Variants in RFC4 observed in about 807,000 individuals in gnomAD.
RFC4 encodes replication factor C subunit 4, also known as A1 37 kDa subunit.
A neutral mutation model predicts 47.6 loss-of-function variants in RFC4; 38 were observed. The ratio of observed to expected loss-of-function variants is 0.80; its 90% CI spans 0.62 to 1.05. The LOEUF is 1.05. Among genes scored for constraint, RFC4 ranks in the 50% least tolerant of loss-of-function variants. The probability of loss-of-function intolerance (pLI) is 0.00; values close to 1 mark genes in which losing one functional copy is unlikely to be tolerated. For synonymous variants in RFC4, 164 were observed against 150.0 expected, an observed-to-expected ratio of 1.09 and a Z score of -0.68; for missense variants, 489 against 434.0, an observed-to-expected ratio of 1.13 and a Z score of -1.13.
Position 186,799,268 on chromosome 3 carries a change from A to T in RFC4, c.211-1654T>A, listed in dbSNP as rs1197459223. 2.6e-5 allele frequency among the ~76,000 whole-genome samples: 4 copies of T among 152,222 alleles called. 1 individual carries two copies. Among genetic ancestry groups the T allele is most frequent in the Admixed American group, 2.6e-4 (4 of 15,286 alleles). Reference sequence around the variant, plus strand: ...AGTTCTTAAAATCAATTTCTGAAAAAATTATCTTCTTATAATTCTTTAAAA... The same window carrying T: ...AGTTCTTAAAATCAATTTCTGAAAATATTATCTTCTTATAATTCTTTAAAA... On this transcript the variant is annotated intron_variant, in intron 3 of 10. Coordinates refer to ENST00000296273, the MANE Select transcript of RFC4 (RefSeq NM_002916.5).
intron 2 of RFC4, among the ~76,000 whole-genome samples, chr3:186,803,602 C>G (rs1348355675): frequency 3.3e-5 from 5 of 151,244 alleles, no homozygotes; most frequent in East Asian, 2.1e-4. Context: ...CTCCCAGGTT[C>G]AAGTGATTCT....
At chr3:186,803,433 T>C (rs1376466147) in intron 2 of RFC4, among the ~76,000 whole-genome samples, 3 of 152,132 alleles carry the variant, frequency 2.0e-5, no homozygotes, top group Non-Finnish European at 4.4e-5. Context: ...TCTGTAAACA[T>C]TGGTAATTAC....
At position 186,793,081 on chromosome 3, in the gene RFC4, A is replaced by C. The variant is rs149605337; in HGVS notation, c.411-134T>G. 8 of 759,510 alleles carry C rather than the reference A, an allele frequency of 1.1e-5. No individual in the cohort carries two copies. The highest frequency in any genetic ancestry group is 1.6e-5 in the Non-Finnish European group (8 of 491,366). The allele number at this position is 759,510 out of a possible 1,614,324, so 47.0% of individuals were successfully genotyped here. A position where few individuals can be genotyped will look rare whatever the true frequency, so the allele number is the denominator to read the frequency against. ...TCAGTGTTTTTCTGTATGTTCACAAAGTTGTGCAACCATTACCACAATCTA... is the reference window on the plus strand; with the variant it reads ...TCAGTGTTTTTCTGTATGTTCACAACGTTGTGCAACCATTACCACAATCTA... On this transcript the variant is annotated intron_variant, in intron 5 of 10. Transcript: ENST00000296273. This position sits in a 1 kb window ranked among gnomAD's most constrained non-coding sequence, Gnocchi z 4.2.
chr3:186,794,517 A>T, intron 5 of RFC4, 141 bp downstream of exon 5: 1 of 792,992 alleles, frequency 1.3e-6, no homozygotes, highest in Non-Finnish European at 2.0e-6. Context: ...TGTTTACCTC[A>T]GGCAGGATAG....
chr3:186,801,332 C>T (rs573449375), intron 2 of RFC4, 137 bp from the exon 3 acceptor site: 39 of 665,010 alleles, frequency 5.9e-5, no homozygotes, highest in Admixed American at 1.9e-4. Context: ...TTTTCATAAT[C>T]GGAAATAGGT....
chr3:186,806,411 C>G lies in RFC4; in HGVS notation c.-133G>C, dbSNP rs1391591370. 1 of 152,236 alleles carries G rather than the reference C, an allele frequency of 6.6e-6. No individual in the cohort carries two copies. The highest frequency in any genetic ancestry group is 6.5e-5 in the Admixed American group (1 of 15,286). 9.4% of individuals were successfully genotyped at this position (152,236 alleles called of 1,614,324 possible). A position where few individuals can be genotyped will look rare whatever the true frequency, so the allele number is the denominator to read the frequency against. The stretch of plus-strand genomic sequence containing the variant: ...CGTCACCTAATCTGAGAATAACGGG[C>G]CCAGGAGACTTACGATCACTGATGT... On this transcript the variant is annotated 5_prime_UTR_variant, in exon 1 of 11. Coordinates refer to ENST00000296273, the MANE Select transcript of RFC4 (RefSeq NM_002916.5).
At chr3:186,792,712 T>G (rs1722168061) in intron 6 of RFC4, 92 bp downstream of exon 6, 1 of 1,551,208 alleles carries the variant, frequency 6.4e-7, no homozygotes. Flanking sequence ...GAGGAAAAAT[T>G]AATGTAGCCT....
intron 3 of RFC4, among the ~76,000 whole-genome samples, chr3:186,800,658 G>A (rs1027359366): frequency 1.3e-5 from 2 of 152,058 alleles, no homozygotes; most frequent in African/African-American, 2.4e-5. Context: ...TTCAAAGCTC[G>A]ATTTTTTTTT....
At chr3:186,794,092 A>G (rs1314536235) in intron 5 of RFC4, among the ~76,000 whole-genome samples, 3 of 152,194 alleles carry the variant, frequency 2.0e-5, no homozygotes, top group Admixed American at 6.5e-5. Context: ...TGTTCTAGAT[A>G]TAAGTACCTT....
chr3:186,802,458 A>G (rs1722378705), intron 2 of RFC4, among the ~76,000 whole-genome samples: 1 of 152,248 alleles, frequency 6.6e-6, no homozygotes, highest in African/African-American at 2.4e-5. Flanking sequence ...TATACTTAGT[A>G]TGTGTTAACT....
In RFC4 at chr3:186,792,624, GA is replaced by G; in HGVS notation, c.555-15del. On this transcript the variant is annotated splice_polypyrimidine_tract_variant and intron_variant, in intron 6 of 10. Coordinates refer to ENST00000296273, the MANE Select transcript of RFC4 (RefSeq NM_002916.5). ...GGTTCAATTATTCTGTGGAAGATGA[GA>G]AAAACCAAGTTGGTGTCTAAAGAAA... is the stretch of plus-strand genomic sequence containing the variant. 1.2e-6 allele frequency: 2 copies of G among 1,603,094 alleles called. No individual in the cohort carries two copies. Among genetic ancestry groups the G allele is most frequent in the Non-Finnish European group, 1.7e-6 (2 of 1,173,944 alleles).
Position 186,801,161 on chromosome 3 carries a change from C to T in RFC4, c.166G>A (p.Glu56Lys), listed in dbSNP as rs1046094886. 2.5e-6 allele frequency: 4 copies of T among 1,614,054 alleles called. No individual in the cohort carries two copies. The African/African-American group carries it at 5.3e-5, about 22-fold the overall frequency. Residue 56 changes from glutamate to lysine, a missense_variant, in exon 3 of 11, where the codon GAA becomes AAA. By Grantham distance (56) the Glu-to-Lys change is moderately conservative. Transcript: ENST00000296273. Reference sequence around the variant, plus strand: ...TTTTTCAGCACTGCAACCACTTCTTCCTGGAAAGCAACTTCATCCACACAT... The same window carrying T: ...TTTTTCAGCACTGCAACCACTTCTTTCTGGAAAGCAACTTCATCCACACAT... ...PKCVDEVAFQ[E>K]EVVAVLKKSL...
rs1418380935 is a variant in RFC4, at chr3:186,793,851, T to C, written c.410+807A>G. 2.0e-5 allele frequency among the ~76,000 whole-genome samples: 3 copies of C among 151,854 alleles called. No homozygotes were observed. Among genetic ancestry groups the C allele is most frequent in the African/African-American group, 7.3e-5 (3 of 41,294 alleles). ...CATACTCCTGCCTCAGCCTCCCGAG[T>C]AGCTGGGACTACAGGCGCCCGCCAC... On this transcript the variant is annotated intron_variant, in intron 5 of 10. Coordinates refer to ENST00000296273, the MANE Select transcript of RFC4 (RefSeq NM_002916.5). The surrounding 1 kb of genome is among the most constrained non-coding windows in gnomAD (Gnocchi z 4.2).
In RFC4 at chr3:186,800,627, AAG is replaced by A. The variant is rs368965575; in HGVS notation, c.210+488_210+489del. Among the ~76,000 whole-genome samples the A allele has an allele frequency of 9.2e-5, 14 of 152,358 alleles. No individual in the cohort carries two copies. In the East Asian group the frequency reaches 1.9e-3, roughly 21 times the overall value. On this transcript the variant is annotated intron_variant, in intron 3 of 10. Coordinates refer to ENST00000296273, the MANE Select transcript of RFC4 (RefSeq NM_002916.5). ...TACTTTATCCCCCAGATCACAGCAG[AAG>A]AGAGAGCTATAAGCAGAATTCAAAG...
chr3:186,804,848 T>TA (rs1219240539), intron 1 of RFC4, 124 bp from the exon 2 acceptor site: 1 of 829,980 alleles, frequency 1.2e-6, no homozygotes, highest in Non-Finnish European at 1.9e-6. Flanking sequence ...AAAATAAACT[T>TA]AGCCTTGTGC....
In RFC4 at chr3:186,806,395, A is replaced by C. The variant is rs1722481146; in HGVS notation, c.-117T>G. On this transcript the variant is annotated 5_prime_UTR_variant, in exon 1 of 11. Transcript: ENST00000296273. ...CTCGAAGTCTTAGCTCCGTCACCTA[A>C]TCTGAGAATAACGGGCCCAGGAGAC... is the stretch of plus-strand genomic sequence containing the variant. The C allele has an allele frequency of 6.6e-6, 1 of 152,226 alleles. No individual in the cohort carries two copies. The allele number at this position is 152,226 out of a possible 1,614,324, so 9.4% of individuals were successfully genotyped here.
At chr3:186,795,518 G>T (rs1247241440) in intron 4 of RFC4, among the ~76,000 whole-genome samples, 1 of 152,118 alleles carries the variant, frequency 6.6e-6, no homozygotes, top group African/African-American at 2.4e-5. Context: ...TTTCCGGCCG[G>T]ATGTGGTGGC....
At chr3:186,799,644 C>T (rs903456941) in intron 3 of RFC4, among the ~76,000 whole-genome samples, 3 of 151,836 alleles carry the variant, frequency 2.0e-5, no homozygotes, top group African/African-American at 7.3e-5. Flanking sequence ...GCCTGGGAGG[C>T]GGAGGTTGCA....
intron 2 of RFC4, among the ~76,000 whole-genome samples, chr3:186,802,910 G>A (rs1425722072): frequency 6.6e-6 from 1 of 152,120 alleles, no homozygotes; most frequent in East Asian, 1.9e-4. Context: ...AGGAGAAGCA[G>A]TACACAAGTC....
Sources: gnomAD v4.1 joint callset for allele counts (sites outside exome capture counted in the v4.1 genomes callset) on GRCh38, gnomAD v4.1.1 for gene constraint, Gnocchi (gnomAD v3.1) non-coding constraint, MANE v1.5 for transcripts, NCBI Gene and HGNC (gene_info 2026-07-23, HGNC 2026-07-21) for gene names.